The following AP3B1 variants were observed in gnomAD, a reference collection of about 807,000 sequenced individuals.
The protein encoded by AP3B1 is adaptor related protein complex 3 subunit beta 1, also known as AP-3 complex subunit beta-1.
AP3B1 carries 61 observed loss-of-function variants against 132.5 expected under a neutral mutation model. The ratio of observed to expected loss-of-function variants is 0.46; its 90% CI spans 0.37 to 0.57. The LOEUF (loss-of-function observed/expected upper bound fraction) is 0.57, where lower values mean the gene tolerates loss of function less well. Ranked by LOEUF, AP3B1 falls within the 20% of genes least tolerant of loss-of-function variation. AP3B1 has a pLI of 0.00. For missense variants in AP3B1, 1,120 were observed against 1,289.4 expected, an observed-to-expected ratio of 0.87 and a Z score of 2.01; for synonymous variants, 388 against 438.3, an observed-to-expected ratio of 0.89 and a Z score of 1.43.
intron 24 of AP3B1, among the ~76,000 whole-genome samples, chr5:78,025,034 G>A (rs1479891025): frequency 6.6e-6 from 1 of 151,904 alleles, no homozygotes; most frequent in Non-Finnish European, 1.5e-5. Context: ...ATACATGTTA[G>A]CACAGTAAGA....
intron 21 of AP3B1, among the ~76,000 whole-genome samples, chr5:78,099,412 A>G (rs1751036678): frequency 6.6e-6 from 1 of 152,190 alleles, no homozygotes; most frequent in Non-Finnish European, 1.5e-5. Flanking sequence ...ATGCATAAAA[A>G]CAGAGTAGGA....
intron 22 of AP3B1, among the ~76,000 whole-genome samples, chr5:78,070,363 C>T (rs549165869): frequency 5.4e-5 from 8 of 149,274 alleles, no homozygotes; most frequent in South Asian, 4.2e-4. Context: ...GCAGAGATCA[C>T]GCTACTGCAC....
intron 7 of AP3B1, among the ~76,000 whole-genome samples, chr5:78,207,417 A>C (rs1219298945): frequency 6.6e-6 from 1 of 152,102 alleles, no homozygotes; most frequent in Admixed American, 6.5e-5. Flanking sequence ...ACAGAGTGAG[A>C]TCCTGTCTCA....
chr5:78,031,971 TC>T (rs1197340719), intron 24 of AP3B1, among the ~76,000 whole-genome samples: 8 of 152,202 alleles, frequency 5.3e-5, no homozygotes, highest in Non-Finnish European at 4.4e-5. Flanking sequence ...GGGATGAGGA[TC>T]TGTTTATGTA....
chr5:78,092,010 T>C (rs1347507446), intron 21 of AP3B1, among the ~76,000 whole-genome samples: 1 of 152,192 alleles, frequency 6.6e-6, no homozygotes, highest in Admixed American at 6.5e-5. Flanking sequence ...GTAGAACCAC[T>C]ATAGAATTAG....
At chr5:78,273,721 A>G (rs1015956634) in intron 1 of AP3B1, among the ~76,000 whole-genome samples, 2 of 152,142 alleles carry the variant, frequency 1.3e-5, no homozygotes, top group African/African-American at 2.4e-5. Flanking sequence ...AATGCCCTGG[A>G]CTTTCCATTA....
chr5:78,225,522 C>T lies in AP3B1; in HGVS notation c.603+20G>A, dbSNP rs377222228. 8.1e-5 allele frequency: 110 copies of T among 1,361,096 alleles called. 1 individual carries two copies. The highest frequency in any genetic ancestry group is 2.8e-4 in the South Asian group (23 of 83,076). 84.3% of individuals were successfully genotyped at this position (1,361,096 alleles called of 1,614,324 possible). On this transcript the variant is annotated intron_variant, in intron 6 of 26. Coordinates refer to ENST00000255194, the MANE Select transcript of AP3B1 (RefSeq NM_003664.5). ...ATAAAGTACATTTTTATGTCAAAGA[C>T]GTAAAAAGACATTACTTACTGTGCT...
intron 22 of AP3B1, among the ~76,000 whole-genome samples, chr5:78,076,301 C>T (rs1241839737): frequency 1.3e-5 from 2 of 152,150 alleles, no homozygotes; most frequent in South Asian, 2.1e-4. Context: ...ACCACTATAT[C>T]CATGGCTTCA....
chr5:78,216,374 T>C (rs1393150800), intron 6 of AP3B1, 137 bp from the exon 7 acceptor site: 9 of 836,274 alleles, frequency 1.1e-5, no homozygotes, highest in East Asian at 5.3e-5. Context: ...TGAATGTTCA[T>C]GTTTGAATAA....
At chr5:78,073,818 C>G (rs1314756147) in intron 22 of AP3B1, among the ~76,000 whole-genome samples, 1 of 152,108 alleles carries the variant, frequency 6.6e-6, no homozygotes, top group Non-Finnish European at 1.5e-5. Flanking sequence ...CAAGTGAACT[C>G]ACAGCCAGCA....
chr5:78,082,286 G>A (rs1750047634), intron 22 of AP3B1, among the ~76,000 whole-genome samples: 2 of 152,242 alleles, frequency 1.3e-5, no homozygotes, highest in African/African-American at 4.8e-5. Context: ...TCCAGGCCAA[G>A]ATCCTCAAAT....
chr5:78,073,994 A>T (rs538118315), intron 22 of AP3B1, among the ~76,000 whole-genome samples: 67 of 152,314 alleles, frequency 4.4e-4, no homozygotes, highest in Admixed American at 2.1e-3. Flanking sequence ...TTCATTAATA[A>T]CTATAATTAG....
intron 23 of AP3B1, among the ~76,000 whole-genome samples, chr5:78,035,380 C>T (rs1747766326): frequency 6.6e-6 from 1 of 151,968 alleles, no homozygotes; most frequent in Non-Finnish European, 1.5e-5. Flanking sequence ...TTAGCTTTAT[C>T]TATTCTCTAT....
intron 26 of AP3B1, among the ~76,000 whole-genome samples, chr5:78,011,921 T>C (rs560290307): frequency 1.3e-5 from 2 of 152,276 alleles, no homozygotes; most frequent in African/African-American, 4.8e-5. Flanking sequence ...AAAAATTAAA[T>C]AGAACATAAG....
chr5:78,222,588 T>A (rs1439290054), intron 6 of AP3B1: 1 of 152,236 alleles, frequency 6.6e-6, no homozygotes, highest in African/African-American at 2.4e-5. Flanking sequence ...ATGTTACTAC[T>A]TGGTGTACTG....
In AP3B1 at chr5:78,232,150, A is replaced by C. The variant is rs77408474; in HGVS notation, c.280-3911T>G. ...CATCTTTCCAGATGGCCCTCAAAAC[A>C]AAATAATAGTGCTGTGATTCTTCTA... On this transcript the variant is annotated intron_variant, in intron 3 of 26. Coordinates refer to ENST00000255194, the MANE Select transcript of AP3B1 (RefSeq NM_003664.5). 4.6e-5 allele frequency among the ~76,000 whole-genome samples: 7 copies of C among 152,340 alleles called. No individual in the cohort carries two copies. In the East Asian group the frequency reaches 1.3e-3, roughly 29 times the overall value.
chr5:78,035,890 T>C (rs1747790138), intron 23 of AP3B1, among the ~76,000 whole-genome samples: 1 of 152,138 alleles, frequency 6.6e-6, no homozygotes, highest in African/African-American at 2.4e-5. Context: ...CTATGTGCTG[T>C]CAACAGTTTA....
intron 17 of AP3B1, among the ~76,000 whole-genome samples, chr5:78,120,301 C>A (rs1311842327): frequency 1.3e-5 from 2 of 152,292 alleles, no homozygotes; most frequent in African/African-American, 4.8e-5. Flanking sequence ...GCAAAATAAC[C>A]AGCTAACATC....
chr5:78,020,835 A>G (rs1248461225), intron 24 of AP3B1, 46 bp from the exon 25 acceptor site: 1 of 1,427,310 alleles, frequency 7.0e-7, no homozygotes, highest in Non-Finnish European at 9.8e-7. Context: ...ATAAATAAAC[A>G]TTCTTAATAC....
Sources: allele counts gnomAD v4.1 joint callset (sites outside exome capture counted in the v4.1 genomes callset), GRCh38; gene constraint gnomAD v4.1.1; transcripts MANE v1.5; gene names NCBI Gene and HGNC (gene_info 2026-07-23, HGNC 2026-07-21).